The following ANO4 variants were observed in gnomAD, a reference collection of about 807,000 sequenced individuals.
The protein encoded by ANO4 is anoctamin-4.
ANO4 carries 69 observed loss-of-function variants against 141.9 expected under a neutral mutation model. That is an observed-to-expected ratio of 0.49 (90% CI 0.40 to 0.59). ANO4 has a LOEUF of 0.59. Among genes scored for constraint, ANO4 ranks in the 20% least tolerant of loss-of-function variants. The probability of loss-of-function intolerance (pLI) is 0.00; values close to 1 mark genes in which losing one functional copy is unlikely to be tolerated. For missense variants in ANO4, 894 were observed against 1,162.2 expected (o/e 0.77, Z 3.36); for synonymous variants, 350 against 394.3 (o/e 0.89, Z 1.33).
rs551995788 is a variant in ANO4 at position 101,043,285 on chromosome 12, CA to C, written c.1155-252del. Among the ~76,000 whole-genome samples the C allele has an allele frequency of 1.9e-4, 29 of 152,290 alleles. No individual in the cohort carries two copies. The South Asian group carries it at 5.8e-3, about 31-fold the overall frequency. ...TTTCTATAATTTGGGATATAACAAT[CA>C]ATGTTTGGCTTCATGTATTTTCCTG... is the stretch of plus-strand genomic sequence containing the variant. On this transcript the variant is annotated intron_variant, in intron 12 of 27. Coordinates refer to ENST00000392977, the MANE Select transcript of ANO4 (RefSeq NM_001286615.2).
chr12:100,904,839 C>T (rs1020793683), intron 2 of ANO4, among the ~76,000 whole-genome samples: 1 of 152,084 alleles, frequency 6.6e-6, no homozygotes, highest in African/African-American at 2.4e-5. Flanking sequence ...GGAGAAAGGT[C>T]AGATAGGAGG....
chr12:100,970,663 CTCCTTCCTTCCTTCCTT>C (rs2043881732), intron 5 of ANO4, among the ~76,000 whole-genome samples: 4 of 91,666 alleles, frequency 4.4e-5, no homozygotes, highest in Non-Finnish European at 6.7e-5. Flanking sequence ...CTCCCTCCCT[CTCCTTCCTTCCTTCCTT>C]CCTTCCTTCC....
At chr12:100,832,709 C>T (rs1028804702) in intron 1 of ANO4, among the ~76,000 whole-genome samples, 2 of 152,128 alleles carry the variant, frequency 1.3e-5, no homozygotes, top group Non-Finnish European at 2.9e-5. Flanking sequence ...CAGCTGGCCA[C>T]CTGCCATGTC....
intron 1 of ANO4, among the ~76,000 whole-genome samples, chr12:100,828,587 G>A (rs187179160): frequency 5.9e-5 from 9 of 151,920 alleles, no homozygotes; most frequent in Non-Finnish European, 8.8e-5. Flanking sequence ...TAGCCCATGC[G>A]GTGCCACCTT....
intron 1 of ANO4, among the ~76,000 whole-genome samples, chr12:100,839,577 C>A (rs2037129323): frequency 6.6e-6 from 1 of 152,056 alleles, no homozygotes; most frequent in Non-Finnish European, 1.5e-5. Context: ...GTACATATGG[C>A]AATGGGGTAT....
chr12:100,901,427 G>A (rs1234294593), intron 1 of ANO4, among the ~76,000 whole-genome samples: 2 of 152,126 alleles, frequency 1.3e-5, no homozygotes, highest in African/African-American at 4.8e-5. Flanking sequence ...CCAGCATTTT[G>A]GAAGGAATTT....
intron 8 of ANO4, among the ~76,000 whole-genome samples, chr12:101,014,212 C>T (rs2046223715): frequency 6.6e-6 from 1 of 152,156 alleles, no homozygotes; most frequent in South Asian, 2.1e-4. Context: ...CAGCATTTTA[C>T]AACACTACTG....
intron 5 of ANO4, among the ~76,000 whole-genome samples, chr12:100,970,340 C>T (rs1232361770): frequency 6.6e-6 from 1 of 152,216 alleles, no homozygotes; most frequent in African/African-American, 2.4e-5. Flanking sequence ...TGCTCACTTT[C>T]TCAGCCTCTT....
chr12:100,775,044 TGAGAAA>T (rs1442113737), intron 3 of ANO4, among the ~76,000 whole-genome samples: 6 of 152,234 alleles, frequency 3.9e-5, no homozygotes, highest in African/African-American at 1.2e-4. Flanking sequence ...AATTGTAATC[TGAGAAA>T]GAGATACACC....
chr12:100,935,136 G>A (rs940855890), intron 3 of ANO4, among the ~76,000 whole-genome samples: 8 of 152,186 alleles, frequency 5.3e-5, no homozygotes. Context: ...ATGTTGAATA[G>A]GAGTGGTGAG....
At chr12:100,998,639 T>C (rs1566108288) in intron 8 of ANO4, among the ~76,000 whole-genome samples, 1 of 152,156 alleles carries the variant, frequency 6.6e-6, no homozygotes, top group Non-Finnish European at 1.5e-5. Context: ...AAGCCCTTCG[T>C]CATTTTATAT....
intron 5 of ANO4, among the ~76,000 whole-genome samples, chr12:100,957,202 T>C (rs1001976606): frequency 6.6e-6 from 1 of 152,192 alleles, no homozygotes; most frequent in Admixed American, 6.5e-5. Context: ...TGGTGAGGGC[T>C]TTTGTGCTTC....
chr12:100,963,782 T>C (rs950731081), intron 5 of ANO4, among the ~76,000 whole-genome samples: 1 of 152,126 alleles, frequency 6.6e-6, no homozygotes, highest in Middle Eastern at 3.2e-3. Context: ...TGTACACTTA[T>C]CCATCAGTTT....
chr12:101,072,169 A>T (rs1054590689), intron 14 of ANO4, among the ~76,000 whole-genome samples: 2 of 152,172 alleles, frequency 1.3e-5, no homozygotes, highest in Non-Finnish European at 2.9e-5. Flanking sequence ...ATATGGGTGG[A>T]TGAGTTCCTT....
intron 22 of ANO4, among the ~76,000 whole-genome samples, chr12:101,102,126 GC>G (rs929597577): frequency 9.2e-5 from 14 of 152,056 alleles, no homozygotes; most frequent in Non-Finnish European, 1.6e-4. Context: ...CCATTCTACT[GC>G]TGATAGACAC....
intron 26 of ANO4, among the ~76,000 whole-genome samples, chr12:101,122,941 A>G (rs901019663): frequency 3.9e-5 from 6 of 152,184 alleles, no homozygotes; most frequent in African/African-American, 1.4e-4. Context: ...CTGTCTAGCA[A>G]TTGTCTATAT....
At chr12:100,893,572 G>C (rs1191746583) in intron 1 of ANO4, among the ~76,000 whole-genome samples, 2 of 152,074 alleles carry the variant, frequency 1.3e-5, no homozygotes, top group Non-Finnish European at 2.9e-5. Flanking sequence ...AAGCAAAAGA[G>C]ACCAAGCCTA....
At chr12:100,826,300 G>GAT (rs58446379) in intron 1 of ANO4, among the ~76,000 whole-genome samples, 126,240 of 151,838 alleles carry the variant, frequency 0.83, 52,556 homozygotes, top group Admixed American at 0.88. Context: ...GAGAAAAAAA[G>GAT]ATGGAAAATG....
At chr12:100,973,909 A>G (rs943954292) in intron 6 of ANO4, among the ~76,000 whole-genome samples, 4 of 152,178 alleles carry the variant, frequency 2.6e-5, no homozygotes, top group South Asian at 4.1e-4. Flanking sequence ...TATTGTCTCT[A>G]TAGTTTTGCC....
Sources: gnomAD v4.1 joint callset for allele counts (sites outside exome capture counted in the v4.1 genomes callset) on GRCh38, gnomAD v4.1.1 for gene constraint, MANE v1.5 for transcripts, NCBI Gene and HGNC (gene_info 2026-07-23, HGNC 2026-07-21) for gene names.